The following ASIC2 variants were observed in gnomAD, a reference collection of about 807,000 sequenced individuals.
ASIC2 encodes the protein acid sensing ion channel subunit 2, also known as acid-sensing ion channel 2.
Under a neutral mutation model 57.3 loss-of-function variants are expected in ASIC2, and 25 were observed. The ratio of observed to expected loss-of-function variants is 0.44; its 90% CI spans 0.32 to 0.61. The LOEUF (loss-of-function observed/expected upper bound fraction) is 0.61, where lower values mean the gene tolerates loss of function less well. Among genes scored for constraint, ASIC2 ranks in the 20% least tolerant of loss-of-function variants. The pLI, the probability that ASIC2 is intolerant of heterozygous loss-of-function variation, is 0.06. For missense variants in ASIC2, 641 were observed against 738.1 expected (o/e 0.87, Z 1.52); for synonymous variants, 319 against 307.5 (o/e 1.04, Z -0.39).
chr17:33,352,061 CT>C (rs1165606482), intron 1 of ASIC2, among the ~76,000 whole-genome samples: 2 of 152,096 alleles, frequency 1.3e-5, no homozygotes, highest in African/African-American at 2.4e-5. Flanking sequence ...TGTCTTGTGT[CT>C]TCATCTCTTT....
intron 1 of ASIC2, among the ~76,000 whole-genome samples, chr17:34,148,823 T>A (rs1482486199): frequency 6.6e-6 from 1 of 152,176 alleles, no homozygotes; most frequent in Non-Finnish European, 1.5e-5. Flanking sequence ...GAGTAACTGG[T>A]GCTCAGTTTT....
intron 1 of ASIC2, among the ~76,000 whole-genome samples, chr17:33,189,553 C>T (rs1473306818): frequency 1.3e-5 from 2 of 151,966 alleles, no homozygotes; most frequent in Non-Finnish European, 2.9e-5. Flanking sequence ...ATGCGAGACC[C>T]AACTATAGGC....
At chr17:33,843,061 T>C (rs1913486221) in intron 1 of ASIC2, among the ~76,000 whole-genome samples, 2 of 152,246 alleles carry the variant, frequency 1.3e-5, no homozygotes, top group Admixed American at 1.3e-4. Context: ...CTCAGTGTTA[T>C]GCCCGTGCAC....
At chr17:33,331,796 G>GA (rs1221576589) in intron 1 of ASIC2, among the ~76,000 whole-genome samples, 1 of 152,184 alleles carries the variant, frequency 6.6e-6, no homozygotes, top group East Asian at 1.9e-4. Context: ...TCTACGATGA[G>GA]AAAATGAAGG....
intron 3 of ASIC2, among the ~76,000 whole-genome samples, chr17:33,050,120 T>C (rs2091969650): frequency 6.6e-6 from 1 of 152,178 alleles, no homozygotes; most frequent in South Asian, 2.1e-4. Flanking sequence ...CCTCAGGAAC[T>C]TCAACTGAGA....
intron 1 of ASIC2, among the ~76,000 whole-genome samples, chr17:33,994,675 G>A (rs1454397627): frequency 6.6e-6 from 1 of 152,136 alleles, no homozygotes; most frequent in Non-Finnish European, 1.5e-5. Context: ...CAAACAAGCT[G>A]AGAAATCAGT....
intron 1 of ASIC2, among the ~76,000 whole-genome samples, chr17:33,704,562 G>A (rs952488730): frequency 1.6e-4 from 24 of 152,110 alleles, no homozygotes; most frequent in South Asian, 8.3e-4. Context: ...ACTCTATGTC[G>A]CACTTCTTTT....
intron 1 of ASIC2, chr17:33,112,863 T>C (rs2092265045): frequency 6.6e-6 from 1 of 152,354 alleles, no homozygotes; most frequent in South Asian, 2.1e-4. Context: ...ACATTAATCC[T>C]GTGCTGAAAA....
intron 3 of ASIC2, among the ~76,000 whole-genome samples, chr17:33,040,674 C>A (rs1221339468): frequency 1.3e-5 from 2 of 152,210 alleles, no homozygotes; most frequent in East Asian, 3.8e-4. Flanking sequence ...TGGCTTAGAG[C>A]CAGCAGAAAG....
chr17:34,038,962 G>A (rs775728298), intron 1 of ASIC2: 63 of 1,613,586 alleles, frequency 3.9e-5, no homozygotes, highest in Middle Eastern at 3.3e-4. Context: ...ATTTGGCTCC[G>A]TGTCGGACGT....
intron 1 of ASIC2, among the ~76,000 whole-genome samples, chr17:33,225,450 A>C (rs1907841959): frequency 6.6e-6 from 1 of 152,256 alleles, no homozygotes; most frequent in East Asian, 1.9e-4. Context: ...TTAGAACAGT[A>C]CCTGGCATCT....
chr17:33,987,306 T>C (rs889841331), intron 1 of ASIC2, among the ~76,000 whole-genome samples: 6 of 152,140 alleles, frequency 3.9e-5, no homozygotes, highest in Admixed American at 2.0e-4. Flanking sequence ...GTGCACCCAG[T>C]GCTCCACAGC....
intron 1 of ASIC2, among the ~76,000 whole-genome samples, chr17:34,033,082 C>T (rs904124596): frequency 6.6e-6 from 1 of 152,190 alleles, no homozygotes; most frequent in Non-Finnish European, 1.5e-5. Context: ...TACCACACCA[C>T]ACCTATTCCA....
chr17:33,952,419 C>T (rs954127774), intron 1 of ASIC2, among the ~76,000 whole-genome samples: 4 of 152,122 alleles, frequency 2.6e-5, no homozygotes, highest in Non-Finnish European at 4.4e-5. Flanking sequence ...TTTCCTCATT[C>T]TTATCATGAG....
chr17:34,038,153 C>A (rs1907962912), intron 1 of ASIC2: 2 of 1,612,904 alleles, frequency 1.2e-6, no homozygotes, highest in Admixed American at 1.7e-5. Context: ...AAGAATATTA[C>A]CTGGTTTGAG....
chr17:33,337,030 T>A (rs191887671), intron 1 of ASIC2, among the ~76,000 whole-genome samples: 1 of 151,900 alleles, frequency 6.6e-6, no homozygotes, highest in East Asian at 2.0e-4. Flanking sequence ...CCGTTTCTTC[T>A]AATTTGGGCT....
chr17:33,127,724 T>C (rs2092329557), intron 1 of ASIC2, among the ~76,000 whole-genome samples: 3 of 152,190 alleles, frequency 2.0e-5, no homozygotes, highest in East Asian at 3.8e-4. Context: ...CCGAGTGAGC[T>C]GCTCATCTCT....
chr17:34,091,629 T>C (rs1253480122), intron 1 of ASIC2, among the ~76,000 whole-genome samples: 1 of 152,202 alleles, frequency 6.6e-6, no homozygotes, highest in Non-Finnish European at 1.5e-5. Context: ...CACTTTTCTT[T>C]CTCAAGTGGA....
intron 5 of ASIC2, 130 bp downstream of exon 5, chr17:33,025,796 C>T (rs976870255): frequency 1.1e-6 from 1 of 882,656 alleles, no homozygotes. Flanking sequence ...CTCCACCCGA[C>T]CAGCCCCTTT....
Sources: allele counts gnomAD v4.1 joint callset (sites outside exome capture counted in the v4.1 genomes callset), GRCh38; gene constraint gnomAD v4.1.1; transcripts MANE v1.5; gene names NCBI Gene and HGNC (gene_info 2026-07-23, HGNC 2026-07-21).